Variants in CRY1 observed in about 807,000 individuals in gnomAD.
The protein encoded by CRY1 is cryptochrome-1.
In CRY1, 45 loss-of-function variants were observed where a neutral mutation model predicts 76.0. That is an observed-to-expected ratio of 0.59 (90% CI 0.47 to 0.76). The LOEUF (loss-of-function observed/expected upper bound fraction) is 0.76. CRY1 is among the 30% of genes least tolerant of loss of function. CRY1 has a pLI of 0.00. For missense variants in CRY1, 587 were observed against 716.4 expected (o/e 0.82, Z 2.06); for synonymous variants, 248 against 244.0 (o/e 1.02, Z -0.15).
In CRY1 at chr12:106,999,695, C is replaced by T. The variant is rs139335342; in HGVS notation, c.993G>A (p.Ala331=). The change falls in exon 7 of 13, where the codon GCG becomes GCA. Residue 331 remains alanine (A), a synonymous_variant. Coordinates refer to ENST00000008527, the MANE Select transcript of CRY1 (RefSeq NM_004075.5). The part of the protein sequence containing the change: ...DKNPEALAKW[A]EGRTGFPWID... Reference sequence around the variant, plus strand: ...TCCATGGAAAGCCTGTCCGGCCTTCCGCCCATTTGGCTAAAGCCTCAGGAT... The same window carrying T: ...TCCATGGAAAGCCTGTCCGGCCTTCTGCCCATTTGGCTAAAGCCTCAGGAT... The T allele has an allele frequency of 2.2e-4, 352 of 1,614,240 alleles. 2 individuals carry two copies. In the African/African-American group the frequency reaches 4.1e-3, roughly 19 times the overall value.
At chr12:107,079,036 A>C (rs954162691) in intron 1 of CRY1, among the ~76,000 whole-genome samples, 2 of 152,162 alleles carry the variant, frequency 1.3e-5, no homozygotes, top group Non-Finnish European at 2.9e-5. Flanking sequence ...TGCTAAATTT[A>C]TATTTCCCCA....
intron 1 of CRY1, among the ~76,000 whole-genome samples, chr12:107,045,787 C>T (rs1270466734): frequency 4.0e-5 from 6 of 151,484 alleles, no homozygotes; most frequent in African/African-American, 1.5e-4. Context: ...GGAAGGGGGA[C>T]ATCACACACC....
At chr12:107,031,933 TTTC>T (rs1952680394) in intron 1 of CRY1, among the ~76,000 whole-genome samples, 1 of 152,126 alleles carries the variant, frequency 6.6e-6, no homozygotes, top group Non-Finnish European at 1.5e-5. Context: ...TTCTTTTTCT[TTTC>T]TTTTCTTTTT....
At chr12:107,011,088 T>C (rs147825138) in intron 2 of CRY1, among the ~76,000 whole-genome samples, 2 of 152,326 alleles carry the variant, frequency 1.3e-5, no homozygotes, top group East Asian at 1.9e-4. Context: ...GGCTCACGCA[T>C]GTAATCCCAG....
intron 10 of CRY1, among the ~76,000 whole-genome samples, chr12:106,996,972 A>T (rs2136818845): frequency 6.6e-6 from 1 of 152,322 alleles, no homozygotes; most frequent in Admixed American, 6.5e-5. Context: ...GTTGCCATAC[A>T]CCTAAGGAGT....
At chr12:107,072,430 C>A (rs562675107) in intron 1 of CRY1, among the ~76,000 whole-genome samples, 8 of 152,250 alleles carry the variant, frequency 5.3e-5, no homozygotes, top group Admixed American at 2.6e-4. Flanking sequence ...GTGGACTGGA[C>A]AGGAATCTCG....
chr12:107,068,568 G>C (rs1439183646), intron 1 of CRY1, among the ~76,000 whole-genome samples: 2 of 152,112 alleles, frequency 1.3e-5, no homozygotes, highest in Admixed American at 6.6e-5. Context: ...AAAGTGCTGA[G>C]ATTATAAGCA....
chr12:107,044,240 G>A (rs1952827489), intron 1 of CRY1, among the ~76,000 whole-genome samples: 1 of 152,200 alleles, frequency 6.6e-6, no homozygotes, highest in African/African-American at 2.4e-5. Context: ...TGTCAGACCT[G>A]ACAATAAGAG....
chr12:107,074,498 T>G (rs192726041), intron 1 of CRY1, among the ~76,000 whole-genome samples: 47 of 152,324 alleles, frequency 3.1e-4, no homozygotes, highest in African/African-American at 9.1e-4. Context: ...ATTCTCTTTT[T>G]TTTAAATAGC....
intron 1 of CRY1, among the ~76,000 whole-genome samples, chr12:107,041,262 A>T (rs1026660963): frequency 6.6e-6 from 1 of 152,230 alleles, no homozygotes; most frequent in South Asian, 2.1e-4. Context: ...ATTAAAATAC[A>T]CAAATTTATT....
At chr12:107,052,068 A>G (rs1444854019) in intron 1 of CRY1, among the ~76,000 whole-genome samples, 1 of 152,170 alleles carries the variant, frequency 6.6e-6, no homozygotes, top group Non-Finnish European at 1.5e-5. Context: ...TAAATTGTAA[A>G]CAACTATCCC....
At chr12:107,069,728 T>C (rs1953164723) in intron 1 of CRY1, among the ~76,000 whole-genome samples, 1 of 145,662 alleles carries the variant, frequency 6.9e-6, no homozygotes, top group African/African-American at 2.5e-5. Flanking sequence ...AAAGTATATA[T>C]GTAATATATA....
Position 106,997,336 on chromosome 12 carries a change from C to T in CRY1, c.1543G>A (p.Gly515Arg), listed in dbSNP as rs751659487. Residue 515 changes from glycine to arginine, a missense_variant, in exon 10 of 13, where the codon GGA becomes AGA. Physicochemically the swap from Gly to Arg is moderately radical, Grantham distance 125 (BLOSUM62 -2). Transcript: ENST00000008527. ...CCTGGGATATTTTCTGCAGAATATC[C>T]CATGAAGCCTCCATTCCCATTAGGA... ...SNPNGNGGFM[G>R]YSAENIPGCS... 4 of 1,613,792 alleles carry T rather than the reference C, an allele frequency of 2.5e-6. No individual in the cohort carries two copies. The highest frequency in any genetic ancestry group is 1.1e-5 in the South Asian group (1 of 91,052).
intron 1 of CRY1, among the ~76,000 whole-genome samples, chr12:107,027,610 A>ATT (rs1952630823): frequency 6.6e-6 from 1 of 152,186 alleles, no homozygotes; most frequent in Admixed American, 6.5e-5. Flanking sequence ...CACTTTAAAC[A>ATT]TTTTAAGGAT....
chr12:107,067,535 G>A lies in CRY1; in HGVS notation c.158+25269C>T, dbSNP rs370441626. On this transcript the variant is annotated intron_variant, in intron 1 of 12. Coordinates refer to ENST00000008527, the MANE Select transcript of CRY1 (RefSeq NM_004075.5). ...TTTCTTTTTGATTTTAGGACTGCATGTTAGGAAGACTTTTCTCTTTTCAAA... is the reference window on the plus strand; with the variant it reads ...TTTCTTTTTGATTTTAGGACTGCATATTAGGAAGACTTTTCTCTTTTCAAA... 4.0e-5 allele frequency among the ~76,000 whole-genome samples: 6 copies of A among 151,286 alleles called. No homozygotes were observed. In the East Asian group the frequency reaches 7.8e-4, roughly 20 times the overall value.
chr12:107,031,746 T>C (rs956721618), intron 1 of CRY1, among the ~76,000 whole-genome samples: 1 of 152,080 alleles, frequency 6.6e-6, no homozygotes, highest in African/African-American at 2.4e-5. Flanking sequence ...TACAAAACAT[T>C]TGACCAGTAC....
At chr12:107,009,603 A>ATATATATATATATATATATATATAT (rs1566245681) in intron 2 of CRY1, among the ~76,000 whole-genome samples, 1 of 7,772 alleles carries the variant, frequency 1.3e-4, no homozygotes, top group African/African-American at 2.9e-4. Context: ...TATATATATA[A>ATATATATATATATATATATATATAT]AATCTCTATA....
intron 1 of CRY1, among the ~76,000 whole-genome samples, chr12:107,044,512 A>G (rs1366959790): frequency 6.6e-6 from 1 of 152,136 alleles, no homozygotes; most frequent in East Asian, 1.9e-4. Flanking sequence ...AAACCCAATA[A>G]CAGGTGAAAG....
intron 2 of CRY1, among the ~76,000 whole-genome samples, chr12:107,011,077 T>G (rs1952438687): frequency 6.6e-6 from 1 of 152,180 alleles, no homozygotes; most frequent in Non-Finnish European, 1.5e-5. Flanking sequence ...CTGGGCGCAG[T>G]GGCTCACGCA....
Sources: gnomAD v4.1 joint callset for allele counts (sites outside exome capture counted in the v4.1 genomes callset) on GRCh38, gnomAD v4.1.1 for gene constraint, MANE v1.5 for transcripts, NCBI Gene and HGNC (gene_info 2026-07-23, HGNC 2026-07-21) for gene names.